PKNOX1: variants seen among roughly 807,000 people sequenced by gnomAD.
PKNOX1 encodes the protein homeobox protein PKNOX1.
A neutral mutation model predicts 51.9 loss-of-function variants in PKNOX1; 15 were observed. The ratio of observed to expected loss-of-function variants is 0.29; its 90% confidence interval spans 0.19 to 0.45. The LOEUF is 0.45. Ranked by LOEUF, PKNOX1 falls within the 20% of genes least tolerant of loss-of-function variation. PKNOX1 has a pLI of 1.00. For missense variants in PKNOX1, 462 were observed against 547.5 expected, an observed-to-expected ratio of 0.84 and a Z score of 1.56; for synonymous variants, 219 against 211.1, an observed-to-expected ratio of 1.04 and a Z score of -0.32.
chr21:42,987,404 A>AAAAAAAAAAAAATATAT, intron 1 of PKNOX1, among the ~76,000 whole-genome samples: 1 of 41,418 alleles, frequency 2.4e-5, no homozygotes, highest in African/African-American at 9.3e-5. Flanking sequence ...AAAAAAAAAA[A>AAAAAAAAAAAAATATAT]ATATATATAT....
intron 1 of PKNOX1, among the ~76,000 whole-genome samples, chr21:42,975,065 A>C (rs1426931285): frequency 2.2e-5 from 2 of 89,292 alleles, no homozygotes; most frequent in African/African-American, 4.2e-5. Context: ...GGGCGCGCGG[A>C]GCCCGGCGCG....
At position 43,017,010 on chromosome 21, in the gene PKNOX1, A is replaced by G; in HGVS notation, c.622+3A>G. ...CGTAGCCATGGCGACGGTGGCAGGT[A>G]CGATGACAGAAAAATGGACACACTC... On this transcript the variant is annotated splice_donor_region_variant and intron_variant, in intron 6 of 10. Coordinates refer to ENST00000291547, the MANE Select transcript of PKNOX1 (RefSeq NM_004571.5). 1.2e-6 allele frequency: 2 copies of G among 1,604,974 alleles called. No individual in the cohort carries two copies. Among genetic ancestry groups the G allele is most frequent in the Non-Finnish European group, 8.5e-7 (1 of 1,174,122 alleles).
Position 43,030,331 on chromosome 21 carries a change from T to G in PKNOX1, c.*230T>G. ...TGTGTGGATTTTTAAAGAAATTCTT[T>G]AAAGGTTTAACGCTAGATTGTGAGG... On this transcript the variant is annotated 3_prime_UTR_variant, in exon 11 of 11. Coordinates refer to ENST00000291547, the MANE Select transcript of PKNOX1 (RefSeq NM_004571.5). 2.7e-6 allele frequency: 1 copy of G among 372,036 alleles called. No individual in the cohort carries two copies. The highest frequency in any genetic ancestry group is 4.8e-6 in the Non-Finnish European group (1 of 207,260). 23.0% of individuals were successfully genotyped at this position (372,036 alleles called of 1,614,324 possible). A position where few individuals can be genotyped will look rare whatever the true frequency, so the allele number is the denominator to read the frequency against.
chr21:43,003,260 G>A (rs749958453), intron 1 of PKNOX1, among the ~76,000 whole-genome samples: 3 of 152,328 alleles, frequency 2.0e-5, no homozygotes, highest in Admixed American at 6.5e-5. Context: ...CATGCCGGCC[G>A]TGGTCCAGCC....
intron 1 of PKNOX1, among the ~76,000 whole-genome samples, chr21:42,984,667 C>T (rs1317049630): frequency 6.6e-6 from 1 of 152,190 alleles, no homozygotes; most frequent in Non-Finnish European, 1.5e-5. Flanking sequence ...GGATTATAGG[C>T]GTGAGCCACC....
chr21:43,003,473 G>C (rs180856317), intron 1 of PKNOX1, among the ~76,000 whole-genome samples: 1 of 152,128 alleles, frequency 6.6e-6, no homozygotes, highest in Non-Finnish European at 1.5e-5. Flanking sequence ...TTTTCCACCC[G>C]TCTCAGGCCT....
chr21:42,991,177 G>A (rs2059085359), intron 1 of PKNOX1, among the ~76,000 whole-genome samples: 1 of 152,002 alleles, frequency 6.6e-6, no homozygotes, highest in South Asian at 2.1e-4. Flanking sequence ...CAAAAGTTGG[G>A]GGGAAGTAGT....
At chr21:43,003,727 A>T (rs904718775) in intron 1 of PKNOX1, among the ~76,000 whole-genome samples, 1 of 152,162 alleles carries the variant, frequency 6.6e-6, no homozygotes, top group Admixed American at 6.5e-5. Context: ...GCCGCACCCC[A>T]GGCCCAGCAT....
At chr21:42,995,851 C>T (rs752226689) in intron 1 of PKNOX1, among the ~76,000 whole-genome samples, 2 of 152,152 alleles carry the variant, frequency 1.3e-5, no homozygotes, top group Non-Finnish European at 2.9e-5. Context: ...ATCCTCTACA[C>T]GTTAGAGAAC....
At position 43,030,286 on chromosome 21, in the gene PKNOX1, T is replaced by TGTGTGTGC. The variant is rs1433281519; in HGVS notation, c.*201_*208dup. On this transcript the variant is annotated 3_prime_UTR_variant, in exon 11 of 11. Coordinates refer to ENST00000291547, the MANE Select transcript of PKNOX1 (RefSeq NM_004571.5). The stretch of plus-strand genomic sequence containing the variant: ...GTGTGTGTGTGTGTGTGTGTGTGTG[T>TGTGTGTGC]GTGTGTGCGTGTGTGCGTGTGTGTG... 5 of 329,054 alleles carry TGTGTGTGC rather than the reference T, an allele frequency of 1.5e-5. No homozygotes were observed. Among genetic ancestry groups the TGTGTGTGC allele is most frequent in the African/African-American group, 5.5e-5 (2 of 36,562 alleles). 20.4% of individuals were successfully genotyped at this position (329,054 alleles called of 1,614,324 possible).
chr21:43,001,852 C>T (rs1313155237), intron 1 of PKNOX1, among the ~76,000 whole-genome samples: 5 of 151,616 alleles, frequency 3.3e-5, no homozygotes, highest in African/African-American at 9.7e-5. Flanking sequence ...CCCAGCTACT[C>T]GGGAGGCTGA....
At chr21:43,004,469 T>C (rs1456343556) in intron 2 of PKNOX1, 37 bp downstream of exon 2, 1 of 1,403,980 alleles carries the variant, frequency 7.1e-7, no homozygotes, top group African/African-American at 1.4e-5. Flanking sequence ...TAATTACAAA[T>C]CAACCTGGCA....
At chr21:42,976,909 T>TA (rs1270541073) in intron 1 of PKNOX1, among the ~76,000 whole-genome samples, 3 of 152,232 alleles carry the variant, frequency 2.0e-5, no homozygotes, top group Non-Finnish European at 4.4e-5. Flanking sequence ...GCTATAGCCT[T>TA]ACAAAATGTA....
In PKNOX1 at chr21:43,030,060, A is replaced by T. The variant is rs1273197307; in HGVS notation, c.1270A>T (p.Ile424Phe). ...EDAGALAPAH[I>F]SGLVLENSDS... Reference sequence around the variant, plus strand: ...TGCGGGTGCCCTGGCCCCTGCCCACATCAGCGGGCTGGTCTTGGAGAACAG... The same window carrying T: ...TGCGGGTGCCCTGGCCCCTGCCCACTTCAGCGGGCTGGTCTTGGAGAACAG... Residue 424 changes from isoleucine to phenylalanine, a missense_variant, in exon 11 of 11, where the codon ATC becomes TTC. This residue lies in a region of PKNOX1 where 118 missense variants were observed against 116.8 expected (regional missense o/e 1.01). Transcript: ENST00000291547. 6.2e-7 allele frequency: 1 copy of T among 1,609,908 alleles called. No homozygotes were observed. Among genetic ancestry groups the T allele is most frequent in the Admixed American group, 1.7e-5 (1 of 59,932 alleles).
Position 43,033,675 on chromosome 21 carries a change from T to G in PKNOX1, c.*3574T>G, listed in dbSNP as rs1980376751. On this transcript the variant is annotated 3_prime_UTR_variant, in exon 11 of 11. Transcript: ENST00000291547. ...AATGTTTTCATGTTTTCTGGTGACA[T>G]GTAGGGTCTGTAGTCACCCCTGCAT... is the stretch of plus-strand genomic sequence containing the variant. 6.6e-6 allele frequency: 1 copy of G among 152,238 alleles called. No homozygotes were observed. Among genetic ancestry groups the G allele is most frequent in the Non-Finnish European group, 1.5e-5 (1 of 68,036 alleles). The allele number at this position is 152,238 out of a possible 1,614,324, so 9.4% of individuals were successfully genotyped here. A position where few individuals can be genotyped will look rare whatever the true frequency, so the allele number is the denominator to read the frequency against.
chr21:43,017,031 C>T (rs775450725), intron 6 of PKNOX1, 24 bp downstream of exon 6: 166 of 1,524,968 alleles, frequency 1.1e-4, no homozygotes, highest in Non-Finnish European at 1.4e-4. Flanking sequence ...AAAATGGACA[C>T]ACTCTCCATG....
intron 1 of PKNOX1, among the ~76,000 whole-genome samples, chr21:42,988,752 T>C (rs1000311611): frequency 6.6e-6 from 1 of 151,946 alleles, no homozygotes; most frequent in African/African-American, 2.4e-5. Context: ...GCAGGCTCCT[T>C]GGTCAGGGCT....
Position 43,029,927 on chromosome 21 carries a change from C to T in PKNOX1, c.1137C>T (p.Asn379=), listed in dbSNP as rs367682347. Residue 379 remains asparagine (N), a synonymous_variant, in exon 11 of 11, where the codon AAC becomes AAT. Transcript: ENST00000291547. ...VVTITTPVNM[N]VDSLQSLSSD... ...CCATCACCACGCCCGTGAACATGAA[C>T]GTGGACAGCCTTCAGTCTCTGTCCT... The T allele has an allele frequency of 1.9e-5, 30 of 1,614,054 alleles. No individual in the cohort carries two copies. Among genetic ancestry groups the T allele is most frequent in the Middle Eastern group, 1.6e-4 (1 of 6,084 alleles).
intron 6 of PKNOX1, 125 bp downstream of exon 6, chr21:43,017,132 G>A (rs1979531777): frequency 5.3e-6 from 3 of 566,420 alleles, no homozygotes; most frequent in Non-Finnish European, 9.4e-6. Flanking sequence ...AATGTTAGAA[G>A]CTAGAGGTCT....
Sources: allele counts gnomAD v4.1 joint callset (sites outside exome capture counted in the v4.1 genomes callset), GRCh38; gene constraint gnomAD v4.1.1; regional missense constraint gnomAD v4.1.1; transcripts MANE v1.5; gene names NCBI Gene and HGNC (gene_info 2026-07-23, HGNC 2026-07-21).